The following RANBP2 variants were observed in gnomAD, a reference collection of about 807,000 sequenced individuals.
RANBP2 encodes the protein E3 SUMO-protein ligase RanBP2.
In RANBP2, 57 loss-of-function variants were observed where a neutral mutation model predicts 303.6. The observed-to-expected ratio is 0.19, with a 90% CI of 0.15 to 0.23. RANBP2 has a LOEUF of 0.23. RANBP2 is among the 10% of genes least tolerant of loss of function. The pLI, the probability that RANBP2 is intolerant of heterozygous loss-of-function variation, is 1.00. For synonymous variants in RANBP2, 1,167 were observed against 1,301.5 expected (o/e 0.90, Z 2.23); for missense variants, 3,138 against 3,780.8 (o/e 0.83, Z 4.46).
chr2:109,570,087 C>G, the RANBP2 span, among the ~76,000 whole-genome samples: 1 of 152,016 alleles, frequency 6.6e-6, no homozygotes, highest in African/African-American at 2.4e-5. Flanking sequence ...TTCAGCATAT[C>G]CTAGTTTTTC....
the RANBP2 span, chr2:109,552,646 G>C: frequency 6.1e-6 from 1 of 163,584 alleles, no homozygotes; most frequent in South Asian, 1.7e-4. Context: ...TGTGGCAAAT[G>C]TGGCTTACCC....
chr2:108,731,357 T>G lies in RANBP2; in HGVS notation c.288T>G (p.Leu96=), dbSNP rs755002297. ...SVELNPTQKD[L]VLKIAELLCK... ...AATTAAACCCAACACAAAAAGATCT[T>G]GTGTTGAAGATTGCAGAATTGCTTT... Residue 96 remains leucine (L), a synonymous_variant, in exon 4 of 29, where the codon CTT becomes CTG. Transcript: ENST00000283195. 16 of 1,611,328 alleles carry G rather than the reference T, an allele frequency of 9.9e-6. No homozygotes were observed. In the Admixed American group the frequency reaches 1.0e-4, roughly 10 times the overall value.
the RANBP2 span, among the ~76,000 whole-genome samples, chr2:109,322,479 C>T: frequency 1.3e-5 from 2 of 152,168 alleles, no homozygotes; most frequent in Non-Finnish European, 2.9e-5. Flanking sequence ...TAAAATTGTC[C>T]ATCTTAAGGA....
the RANBP2 span, among the ~76,000 whole-genome samples, chr2:109,050,572 C>G: frequency 6.6e-6 from 1 of 152,032 alleles, no homozygotes; most frequent in African/African-American, 2.4e-5. Flanking sequence ...CTTTTTAATG[C>G]GATTACTAGA....
chr2:109,201,311 C>CA, the RANBP2 span, among the ~76,000 whole-genome samples: 11 of 152,244 alleles, frequency 7.2e-5, no homozygotes, highest in African/African-American at 2.4e-4. Flanking sequence ...CCCACTCTCC[C>CA]ACAGGCCTCC....
At chr2:108,771,412 A>C (rs1329492592) in intron 20 of RANBP2, among the ~76,000 whole-genome samples, 1 of 152,116 alleles carries the variant, frequency 6.6e-6, no homozygotes. Flanking sequence ...TAAATTCTAG[A>C]AATTTATAGT....
chr2:109,728,382 T>A, the RANBP2 span, among the ~76,000 whole-genome samples: 1 of 152,180 alleles, frequency 6.6e-6, no homozygotes, highest in South Asian at 2.1e-4. Context: ...GGTAACTTGT[T>A]AATCAGCAAT....
the RANBP2 span, chr2:108,873,689 G>T: frequency 2.6e-6 from 2 of 760,668 alleles, no homozygotes; most frequent in Non-Finnish European, 2.1e-6. Context: ...GGCCACACTG[G>T]ATGAAGAAGA....
the RANBP2 span, among the ~76,000 whole-genome samples, chr2:109,558,691 G>C: frequency 6.6e-6 from 1 of 152,240 alleles, no homozygotes; most frequent in East Asian, 1.9e-4. Context: ...TCAATAAAGT[G>C]TAAGTGGAAA....
chr2:108,798,746 C>G, the RANBP2 span, among the ~76,000 whole-genome samples: 1 of 138,562 alleles, frequency 7.2e-6, no homozygotes, highest in South Asian at 2.4e-4. Flanking sequence ...CACACTTTTT[C>G]TGATCCATTT....
chr2:109,579,693 T>A, the RANBP2 span, among the ~76,000 whole-genome samples: 1 of 151,754 alleles, frequency 6.6e-6, no homozygotes, highest in Admixed American at 6.6e-5. Flanking sequence ...AGGCCCTGAT[T>A]TTCATTGGTT....
chr2:109,238,931 GAC>G, the RANBP2 span, among the ~76,000 whole-genome samples: 2 of 152,160 alleles, frequency 1.3e-5, no homozygotes, highest in Non-Finnish European at 2.9e-5. Flanking sequence ...ATGCATCAGA[GAC>G]AACAGATGAG....
At chr2:108,831,667 A>C in the RANBP2 span, among the ~76,000 whole-genome samples, 1 of 149,092 alleles carries the variant, frequency 6.7e-6, no homozygotes, top group Non-Finnish European at 1.5e-5. Context: ...CTATCCCTGG[A>C]ATCTGATTTA....
chr2:109,168,217 G>A, the RANBP2 span, among the ~76,000 whole-genome samples: 1 of 152,210 alleles, frequency 6.6e-6, no homozygotes, highest in Non-Finnish European at 1.5e-5. Flanking sequence ...TACAAATTCA[G>A]AGCTTTTCTG....
chr2:109,660,504 A>C, the RANBP2 span, among the ~76,000 whole-genome samples: 1 of 152,220 alleles, frequency 6.6e-6, no homozygotes. Context: ...AACACCAAGA[A>C]CCTGGATGAC....
chr2:108,906,009 G>C, the RANBP2 span, among the ~76,000 whole-genome samples: 1 of 146,040 alleles, frequency 6.8e-6, no homozygotes, highest in South Asian at 2.1e-4. Flanking sequence ...GAGGTCTGAG[G>C]CTCCGTGGCT....
the RANBP2 span, among the ~76,000 whole-genome samples, chr2:109,548,996 A>C: frequency 6.6e-6 from 1 of 152,182 alleles, no homozygotes; most frequent in Non-Finnish European, 1.5e-5. Context: ...AGGCCCTCCT[A>C]ACATAAGATG....
chr2:109,018,362 C>A, the RANBP2 span, among the ~76,000 whole-genome samples: 2 of 152,180 alleles, frequency 1.3e-5, no homozygotes, highest in African/African-American at 4.8e-5. Flanking sequence ...AGGCTGTCAG[C>A]CGCTGTCTGC....
chr2:109,317,642 C>G, the RANBP2 span, among the ~76,000 whole-genome samples: 1 of 152,202 alleles, frequency 6.6e-6, no homozygotes, highest in South Asian at 2.1e-4. Flanking sequence ...AAAAAGAGAA[C>G]TGGCTGAGTT....
Sources: allele counts gnomAD v4.1 joint callset (sites outside exome capture counted in the v4.1 genomes callset), GRCh38; gene constraint gnomAD v4.1.1; transcripts MANE v1.5; gene names NCBI Gene and HGNC (gene_info 2026-07-23, HGNC 2026-07-21).